The following CAST variants were observed in gnomAD, a reference collection of about 807,000 sequenced individuals.
The protein encoded by CAST is MIR583 host.
Under a neutral mutation model 119.6 loss-of-function variants are expected in CAST, and 76 were observed. The observed-to-expected ratio is 0.64, with a 90% CI of 0.53 to 0.77. The LOEUF is 0.77. CAST is among the 30% of genes least tolerant of loss of function. CAST has a pLI of 0.00. For synonymous variants in CAST, 319 were observed against 331.6 expected (o/e 0.96, Z 0.41); for missense variants, 953 against 946.5 (o/e 1.01, Z -0.09).
chr5:95,988,988 GT>G, the CAST span, among the ~76,000 whole-genome samples: 1 of 152,154 alleles, frequency 6.6e-6, no homozygotes, highest in Admixed American at 6.6e-5. Flanking sequence ...TTTGGAACGA[GT>G]GGGCCTGTTT....
the CAST span, among the ~76,000 whole-genome samples, chr5:96,457,668 A>G: frequency 6.6e-6 from 1 of 152,204 alleles, no homozygotes; most frequent in South Asian, 2.1e-4. Context: ...ATCTCTTGGC[A>G]TTCTTGACTC....
chr5:96,754,105 C>A lies in CAST; in HGVS notation c.1570C>A (p.Leu524Met), dbSNP rs892108316. The A allele has an allele frequency of 6.2e-7, 1 of 1,613,912 alleles. No individual in the cohort carries two copies. The highest frequency in any genetic ancestry group is 1.1e-5 in the South Asian group (1 of 91,076). Reference sequence around the variant, plus strand: ...TGCTGTAGAAGCCTTGGCTGATAGCCTGGGGAAAAAGGAAGCAGATCCAGA... The same window carrying A: ...TGCTGTAGAAGCCTTGGCTGATAGCATGGGGAAAAAGGAAGCAGATCCAGA... ...DDAVEALADS[L>M]GKKEADPEDG... The change falls in exon 21 of 32, where the codon CTG (leucine) becomes ATG (methionine). Residue 524 changes from leucine to methionine, a missense_variant. Physicochemically the swap from Leu to Met is conservative, Grantham distance 15. Transcript: ENST00000675179.
intron 1 of CAST, among the ~76,000 whole-genome samples, chr5:96,568,217 T>C (rs963721189): frequency 2.0e-5 from 3 of 152,148 alleles, no homozygotes; most frequent in Non-Finnish European, 4.4e-5. Flanking sequence ...CCCCCTTGAC[T>C]CTCAAACTGT....
chr5:96,653,523 CCTT>C (rs1748120349), intron 1 of CAST, among the ~76,000 whole-genome samples: 2 of 152,184 alleles, frequency 1.3e-5, no homozygotes, highest in Non-Finnish European at 2.9e-5. Context: ...ACACCCATCT[CCTT>C]CTCTGTAAAA....
chr5:96,754,641 G>A lies in CAST; in HGVS notation c.1627-17G>A. ...AAAAAAACATGCTAACAATGAAAAT[G>A]GTATAATTTTTCTCAGGAGAAGGCC... On this transcript the variant is annotated splice_polypyrimidine_tract_variant and intron_variant, in intron 21 of 31. Coordinates refer to ENST00000675179, the MANE Select transcript of CAST (RefSeq NM_001750.7). The A allele has an allele frequency of 6.8e-7, 1 of 1,477,816 alleles. No individual in the cohort carries two copies. Among genetic ancestry groups the A allele is most frequent in the Non-Finnish European group, 9.4e-7 (1 of 1,067,922 alleles). The allele number at this position is 1,477,816 out of a possible 1,614,324, so 91.5% of individuals were successfully genotyped here. A position where few individuals can be genotyped will look rare whatever the true frequency, so the allele number is the denominator to read the frequency against.
At chr5:96,435,640 G>C in the CAST span, among the ~76,000 whole-genome samples, 2 of 152,132 alleles carry the variant, frequency 1.3e-5, no homozygotes, top group African/African-American at 4.8e-5. Flanking sequence ...GGTTTTAATA[G>C]CATTTGATTC....
the CAST span, among the ~76,000 whole-genome samples, chr5:96,329,717 T>C: frequency 2.0e-5 from 3 of 152,248 alleles, no homozygotes; most frequent in Non-Finnish European, 2.9e-5. Context: ...ATTTCAGAAA[T>C]GGTGCTGATG....
At chr5:96,162,950 AT>A in the CAST span, among the ~76,000 whole-genome samples, 3 of 152,194 alleles carry the variant, frequency 2.0e-5, no homozygotes, top group Non-Finnish European at 2.9e-5. Flanking sequence ...TTTTTCTTCT[AT>A]TTTTCAGAAG....
chr5:96,695,068 G>A (rs1013566223), intron 2 of CAST, among the ~76,000 whole-genome samples: 2 of 152,180 alleles, frequency 1.3e-5, no homozygotes, highest in Admixed American at 6.5e-5. Flanking sequence ...GTATAGGTAG[G>A]TAAGAGATTG....
the CAST span, among the ~76,000 whole-genome samples, chr5:96,344,842 G>A: frequency 6.6e-6 from 1 of 152,138 alleles, no homozygotes; most frequent in Non-Finnish European, 1.5e-5. Context: ...AAATTTGTTT[G>A]CATTGGTTCT....
chr5:96,349,454 A>G, the CAST span, among the ~76,000 whole-genome samples: 2 of 152,152 alleles, frequency 1.3e-5, no homozygotes, highest in African/African-American at 2.4e-5. Flanking sequence ...GTAACTGTTC[A>G]TCAAGGATCA....
chr5:96,155,455 A>G, the CAST span, among the ~76,000 whole-genome samples: 1 of 152,358 alleles, frequency 6.6e-6, no homozygotes, highest in Admixed American at 6.5e-5. Context: ...TTGAGTATAC[A>G]TTTTAAAATA....
At chr5:96,260,611 C>A in the CAST span, among the ~76,000 whole-genome samples, 1 of 152,132 alleles carries the variant, frequency 6.6e-6, no homozygotes, top group Admixed American at 6.5e-5. Context: ...GCACAGACTG[C>A]ACAACCACAC....
Position 96,740,738 on chromosome 5 carries a change from G to C in CAST, c.880-7G>C, listed in dbSNP as rs370497948. 22 of 1,593,426 alleles carry C rather than the reference G, an allele frequency of 1.4e-5. No homozygotes were observed. The Admixed American group carries it at 2.7e-4, about 19-fold the overall frequency. The stretch of plus-strand genomic sequence containing the variant: ...TCTCAACATCATCAAATTAATATTT[G>C]TTTCAGAAAAAGGAAGGGATCACAG... On this transcript the variant is annotated splice_region_variant and splice_polypyrimidine_tract_variant and intron_variant, in intron 12 of 31. Coordinates refer to ENST00000675179, the MANE Select transcript of CAST (RefSeq NM_001750.7).
the CAST span, among the ~76,000 whole-genome samples, chr5:96,081,965 G>GT: frequency 6.6e-6 from 1 of 152,178 alleles, no homozygotes; most frequent in African/African-American, 2.4e-5. Context: ...CCAGGCTGGA[G>GT]TGTAGCGGCG....
intron 24 of CAST, among the ~76,000 whole-genome samples, chr5:96,758,167 T>A (rs949990293): frequency 6.6e-6 from 1 of 152,132 alleles, no homozygotes; most frequent in Admixed American, 6.5e-5. Flanking sequence ...GTAACTAATA[T>A]CAAGTACCAG....
the CAST span, among the ~76,000 whole-genome samples, chr5:96,109,915 A>C: frequency 1.3e-5 from 2 of 151,554 alleles, no homozygotes; most frequent in Non-Finnish European, 2.9e-5. Flanking sequence ...AGTATATTTA[A>C]AGTACATGTA....
intron 1 of CAST, among the ~76,000 whole-genome samples, chr5:96,564,945 C>T (rs1746441106): frequency 6.6e-6 from 1 of 152,182 alleles, no homozygotes; most frequent in South Asian, 2.1e-4. Flanking sequence ...TATCTATGAG[C>T]TCACCCAGGC....
the CAST span, among the ~76,000 whole-genome samples, chr5:96,009,786 T>C: frequency 6.6e-6 from 1 of 152,202 alleles, no homozygotes; most frequent in African/African-American, 2.4e-5. Context: ...GTACAGAAGC[T>C]CTTTAGTTTA....
Sources: allele counts gnomAD v4.1 joint callset (sites outside exome capture counted in the v4.1 genomes callset), GRCh38; gene constraint gnomAD v4.1.1; transcripts MANE v1.5; gene names NCBI Gene and HGNC (gene_info 2026-07-23, HGNC 2026-07-21).